Variants in CDH8 observed in about 807,000 individuals in gnomAD.
CDH8 encodes the protein cadherin 8.
A neutral mutation model predicts 68.1 loss-of-function variants in CDH8; 17 were observed. The observed-to-expected ratio is 0.25, with a 90% CI of 0.17 to 0.37. The LOEUF (loss-of-function observed/expected upper bound fraction) is 0.37. Among genes scored for constraint, CDH8 ranks in the 10% least tolerant of loss-of-function variants. The pLI is 1.00. For synonymous variants in CDH8, 372 were observed against 365.1 expected, an observed-to-expected ratio of 1.02 and a Z score of -0.21; for missense variants, 763 against 999.3, an observed-to-expected ratio of 0.76 and a Z score of 3.19.
chr16:61,938,538 T>C (rs937925527), intron 2 of CDH8, among the ~76,000 whole-genome samples: 20 of 152,176 alleles, frequency 1.3e-4, no homozygotes, highest in African/African-American at 4.8e-4. Context: ...TTGCTAAATG[T>C]TAGTGTTAAT....
intron 4 of CDH8, among the ~76,000 whole-genome samples, chr16:61,836,012 C>T (rs1209551151): frequency 2.0e-5 from 3 of 151,890 alleles, no homozygotes; most frequent in Non-Finnish European, 4.4e-5. Context: ...CCACCTGAGA[C>T]TTATAAAATA....
At chr16:61,999,499 T>G in intron 2 of CDH8, among the ~76,000 whole-genome samples, 1 of 152,158 alleles carries the variant, frequency 6.6e-6, no homozygotes, top group Non-Finnish European at 1.5e-5. Flanking sequence ...ATGTTAGAGT[T>G]CAGCAGATAC....
chr16:61,902,931 G>A (rs190810490), intron 2 of CDH8, among the ~76,000 whole-genome samples: 5 of 151,920 alleles, frequency 3.3e-5, no homozygotes, highest in Admixed American at 3.3e-4. Flanking sequence ...AATGAATGTG[G>A]GATTATAATT....
chr16:61,653,382 A>G lies in CDH8; in HGVS notation c.*226T>C. The G allele has an allele frequency of 7.5e-7, 1 of 1,327,254 alleles. No individual in the cohort carries two copies. Among genetic ancestry groups the G allele is most frequent in the Non-Finnish European group, 9.6e-7 (1 of 1,044,158 alleles). 82.2% of individuals were successfully genotyped at this position (1,327,254 alleles called of 1,614,324 possible). A position where few individuals can be genotyped will look rare whatever the true frequency, so the allele number is the denominator to read the frequency against. On this transcript the variant is annotated 3_prime_UTR_variant, in exon 12 of 12. Transcript: ENST00000577390. ...ATATCAAATATCCAAGGACTTCTAG[A>G]CACTCCACATACTTAATTCACACTC... is the stretch of plus-strand genomic sequence containing the variant.
At position 61,713,842 on chromosome 16, in the gene CDH8, TTCA is replaced by T. The variant is rs763632704; in HGVS notation, c.1650_1652del (p.Asn550_Glu551delinsLys). 1 of 1,480,504 alleles carries T rather than the reference TTCA, an allele frequency of 6.8e-7. No homozygotes were observed. The highest frequency in any genetic ancestry group is 1.1e-5 in the South Asian group (1 of 88,116). 91.7% of individuals were successfully genotyped at this position (1,480,504 alleles called of 1,614,324 possible). ...GTTTCACAAAGCTAATATATTTACCTTCATTTTTCTTGATGGTGAAATTCGGAT... is the reference window on the plus strand; with the variant it reads ...GTTTCACAAAGCTAATATATTTACCTTTTTTCTTGATGGTGAAATTCGGAT... On this transcript the variant is annotated inframe_deletion and splice_region_variant, in exon 10 of 12. Transcript: ENST00000577390.
intron 2 of CDH8, among the ~76,000 whole-genome samples, chr16:61,980,705 C>T (rs1965516134): frequency 6.6e-6 from 1 of 152,084 alleles, no homozygotes; most frequent in Non-Finnish European, 1.5e-5. Context: ...CTATGTGACC[C>T]ACAGAGCCTA....
intron 5 of CDH8, among the ~76,000 whole-genome samples, chr16:61,823,714 C>T (rs1432917417): frequency 6.6e-6 from 1 of 151,800 alleles, no homozygotes; most frequent in Non-Finnish European, 1.5e-5. Flanking sequence ...GATAAAGGTC[C>T]TCATAGGTCC....
intron 3 of CDH8, among the ~76,000 whole-genome samples, chr16:61,881,150 A>C (rs1033956301): frequency 3.5e-4 from 54 of 152,210 alleles, no homozygotes; most frequent in African/African-American, 1.2e-3. Context: ...AGACCTTCTG[A>C]ATGGATTCCT....
chr16:61,927,567 T>C (rs543940457), intron 2 of CDH8, among the ~76,000 whole-genome samples: 90 of 152,346 alleles, frequency 5.9e-4, no homozygotes, highest in African/African-American at 2.1e-3. Flanking sequence ...AATTACTTAA[T>C]ATTTCCACAT....
intron 2 of CDH8, chr16:61,918,193 T>C (rs978847361): frequency 1.3e-5 from 2 of 152,114 alleles, no homozygotes; most frequent in Non-Finnish European, 2.9e-5. Flanking sequence ...CTCAGCCCTA[T>C]GTACTTATAT....
At chr16:61,951,512 C>CAAAA (rs574416496) in intron 2 of CDH8, among the ~76,000 whole-genome samples, 155 of 72,856 alleles carry the variant, frequency 2.1e-3, no homozygotes, top group South Asian at 9.8e-3. Flanking sequence ...GACTCCGTCT[C>CAAAA]AAAAAAAAAA....
At chr16:61,689,558 A>G (rs1896794) in intron 10 of CDH8, among the ~76,000 whole-genome samples, 30,243 of 151,862 alleles carry the variant, frequency 0.2, 3,552 homozygotes, top group African/African-American at 0.33. Context: ...CAACCTCACC[A>G]TGTCTTAAAT....
At chr16:61,709,567 T>C (rs1964590818) in intron 10 of CDH8, among the ~76,000 whole-genome samples, 1 of 152,090 alleles carries the variant, frequency 6.6e-6, no homozygotes, top group African/African-American at 2.4e-5. Context: ...TTTCCAGCTA[T>C]GTAAATGGTT....
intron 2 of CDH8, among the ~76,000 whole-genome samples, chr16:61,985,817 G>A (rs1597109106): frequency 6.7e-6 from 1 of 148,834 alleles, no homozygotes; most frequent in Admixed American, 6.7e-5. Flanking sequence ...AAGCAATAAT[G>A]TTTTTAGTGG....
At chr16:61,882,895 G>A (rs1972824) in intron 3 of CDH8, among the ~76,000 whole-genome samples, 82,150 of 151,996 alleles carry the variant, frequency 0.54, 24,607 homozygotes, top group African/African-American at 0.82. Flanking sequence ...AAATAAGCTG[G>A]AAAAAAGAAG....
intron 9 of CDH8, among the ~76,000 whole-genome samples, chr16:61,720,115 C>A (rs530092903): frequency 1.3e-5 from 2 of 151,026 alleles, no homozygotes; most frequent in South Asian, 4.1e-4. Flanking sequence ...CCATTTGAGT[C>A]TTTAAAAGAT....
chr16:61,761,441 G>A (rs1960465275), intron 8 of CDH8, among the ~76,000 whole-genome samples: 1 of 152,096 alleles, frequency 6.6e-6, no homozygotes, highest in South Asian at 2.1e-4. Context: ...TGCATTTTGT[G>A]TTTTTGGCTA....
At chr16:61,775,129 C>T (rs961295095) in intron 8 of CDH8, among the ~76,000 whole-genome samples, 1 of 151,906 alleles carries the variant, frequency 6.6e-6, no homozygotes, top group African/African-American at 2.4e-5. Flanking sequence ...TTTGGGAGGC[C>T]GAAGCAGGTG....
At chr16:61,878,593 T>C (rs1302383258) in intron 3 of CDH8, among the ~76,000 whole-genome samples, 1 of 152,140 alleles carries the variant, frequency 6.6e-6, no homozygotes, top group Non-Finnish European at 1.5e-5. Context: ...TGTTGGTCCG[T>C]AGTAGGAGTA....
Sources: gnomAD v4.1 joint callset for allele counts (sites outside exome capture counted in the v4.1 genomes callset) on GRCh38, gnomAD v4.1.1 for gene constraint, MANE v1.5 for transcripts, NCBI Gene and HGNC (gene_info 2026-07-23, HGNC 2026-07-21) for gene names.